The following EPHA4 variants were observed in gnomAD, a reference collection of about 807,000 sequenced individuals.
EPHA4 encodes the protein EPH receptor A4.
EPHA4 carries 19 observed loss-of-function variants against 108.3 expected under a neutral mutation model. That is an observed-to-expected ratio of 0.18 (90% CI 0.12 to 0.26). The LOEUF is 0.26. Among genes scored for constraint, EPHA4 ranks in the 10% least tolerant of loss-of-function variants. EPHA4 has a pLI of 1.00. For synonymous variants in EPHA4, 449 were observed against 455.5 expected, an observed-to-expected ratio of 0.99 and a Z score of 0.18; for missense variants, 917 against 1,254.0, an observed-to-expected ratio of 0.73 and a Z score of 4.06.
Position 221,514,088 on chromosome 2 carries a change from C to CG in EPHA4, c.824-12917dup, listed in dbSNP as rs200867792. On this transcript the variant is annotated intron_variant, in intron 3 of 17. Transcript: ENST00000281821. The stretch of plus-strand genomic sequence containing the variant: ...CGGACTCAGTTATACTCCTGTAAGC[C>CG]GGGGGGAGGGGGTTTGAAAATCTAC... Among the ~76,000 whole-genome samples the CG allele has an allele frequency of 4.5e-3, 533 of 118,186 alleles. 7 individuals carry two copies. The highest frequency in any genetic ancestry group is 0.023 in the African/African-American group (501 of 21,932). 77.5% of individuals were successfully genotyped at this position (118,186 alleles called of 152,430 possible).
At chr2:221,446,329 G>A (rs1019448439) in intron 8 of EPHA4, 148 bp from the exon 9 acceptor site, 6 of 394,698 alleles carry the variant, frequency 1.5e-5, no homozygotes, top group Non-Finnish European at 2.6e-5. Context: ...TACAAGAGAT[G>A]AAATACTTGT....
chr2:221,420,982 T>C (rs1689742985), intron 17 of EPHA4, among the ~76,000 whole-genome samples: 2 of 152,158 alleles, frequency 1.3e-5, no homozygotes, highest in South Asian at 2.1e-4. Flanking sequence ...AATCCACCCA[T>C]AGTCAACAAT....
In EPHA4 at chr2:221,477,615, G is replaced by A. The variant is rs1452951524; in HGVS notation, c.1318+4737C>T. 5.9e-5 allele frequency among the ~76,000 whole-genome samples: 9 copies of A among 152,108 alleles called. No homozygotes were observed. The East Asian group carries it at 1.2e-3, about 20-fold the overall frequency. ...TTCACTATCTTACTGTTTTCCCCCC[G>A]CAACGTAAATCCCTTGGCAAGGCAA... On this transcript the variant is annotated intron_variant, in intron 5 of 17. Coordinates refer to ENST00000281821, the MANE Select transcript of EPHA4 (RefSeq NM_004438.5).
At position 221,419,275 on chromosome 2, in the gene EPHA4, A is replaced by G. The variant is rs1352415952; in HGVS notation, c.*2097T>C. 1 of 152,648 alleles carries G rather than the reference A, an allele frequency of 6.6e-6. No individual in the cohort carries two copies. The highest frequency in any genetic ancestry group is 1.5e-5 in the Non-Finnish European group (1 of 68,048). 9.5% of individuals were successfully genotyped at this position (152,648 alleles called of 1,614,324 possible). A position where few individuals can be genotyped will look rare whatever the true frequency, so the allele number is the denominator to read the frequency against. On this transcript the variant is annotated 3_prime_UTR_variant, in exon 18 of 18. Transcript: ENST00000281821. ...TGTGAGGGCAACAGGAGTTAGCTGC[A>G]TATTAATTACTGTAGAACTTTCCAG...
At chr2:221,549,202 C>T (rs1694090800) in intron 3 of EPHA4, among the ~76,000 whole-genome samples, 1 of 152,186 alleles carries the variant, frequency 6.6e-6, no homozygotes, top group Non-Finnish European at 1.5e-5. Context: ...GTTCAAAATG[C>T]TAAACAGTTC....
chr2:221,507,926 T>A (rs1218520915), intron 3 of EPHA4, among the ~76,000 whole-genome samples: 1 of 152,226 alleles, frequency 6.6e-6, no homozygotes, highest in African/African-American at 2.4e-5. Context: ...GAGTCTAGCA[T>A]GTATCAGAAT....
intron 4 of EPHA4, among the ~76,000 whole-genome samples, chr2:221,492,394 T>C (rs150989130): frequency 7.9e-5 from 12 of 152,264 alleles, no homozygotes; most frequent in South Asian, 2.1e-4. Flanking sequence ...AGTGAGATGA[T>C]ACCTGATCTT....
At position 221,436,613 on chromosome 2, in the gene EPHA4, A is replaced by G. The variant is rs758696335; in HGVS notation, c.2137-5T>C. 14 of 1,613,524 alleles carry G rather than the reference A, an allele frequency of 8.7e-6. No homozygotes were observed. The highest frequency in any genetic ancestry group is 1.2e-5 in the Non-Finnish European group (14 of 1,179,596). On this transcript the variant is annotated splice_region_variant and splice_polypyrimidine_tract_variant and intron_variant, in intron 12 of 17. Transcript: ENST00000281821. The stretch of plus-strand genomic sequence containing the variant: ...TGTAAATCTGCCATCATTTTTCTGC[A>G]TAGAAAAGGAGTGAGGAACAATCTC...
chr2:221,470,435 A>T (rs2106129329), intron 5 of EPHA4, among the ~76,000 whole-genome samples: 2 of 151,910 alleles, frequency 1.3e-5, no homozygotes, highest in South Asian at 4.2e-4. Flanking sequence ...GTTCTACTGG[A>T]TGGAAGTCTA....
At chr2:221,522,004 A>G (rs966202964) in intron 3 of EPHA4, among the ~76,000 whole-genome samples, 1 of 152,098 alleles carries the variant, frequency 6.6e-6, no homozygotes, top group Non-Finnish European at 1.5e-5. Context: ...CAAACAAAAA[A>G]ACAAATAAAC....
At chr2:221,525,323 G>T (rs1423347688) in intron 3 of EPHA4, among the ~76,000 whole-genome samples, 1 of 152,186 alleles carries the variant, frequency 6.6e-6, no homozygotes, top group Non-Finnish European at 1.5e-5. Flanking sequence ...AAGTTAAAAG[G>T]TTAATTTTCT....
At chr2:221,545,442 C>G (rs1161309434) in intron 3 of EPHA4, among the ~76,000 whole-genome samples, 2 of 152,040 alleles carry the variant, frequency 1.3e-5, no homozygotes, top group African/African-American at 4.8e-5. Flanking sequence ...GCACTCCAGC[C>G]TGGGCGACAG....
At chr2:221,534,469 C>T (rs963295456) in intron 3 of EPHA4, among the ~76,000 whole-genome samples, 1 of 152,200 alleles carries the variant, frequency 6.6e-6, no homozygotes, top group African/African-American at 2.4e-5. Context: ...GTCTCACCCC[C>T]TCAGATGAAA....
rs1305796481 is a variant in EPHA4, at chr2:221,419,890, C to A, written c.*1482G>T. On this transcript the variant is annotated 3_prime_UTR_variant, in exon 18 of 18. Transcript: ENST00000281821. ...ACCAGAACTCTCCAGGTGTAGCATT[C>A]CACAACATTCATGGGTAGTCCTAAG... is the stretch of plus-strand genomic sequence containing the variant. The A allele has an allele frequency of 6.6e-6, 1 of 152,628 alleles. No homozygotes were observed. Among genetic ancestry groups the A allele is most frequent in the Non-Finnish European group, 1.5e-5 (1 of 68,080 alleles). The allele number at this position is 152,628 out of a possible 1,614,324, so 9.5% of individuals were successfully genotyped here. A position where few individuals can be genotyped will look rare whatever the true frequency, so the allele number is the denominator to read the frequency against.
At chr2:221,510,837 A>G (rs2106165137) in intron 3 of EPHA4, among the ~76,000 whole-genome samples, 1 of 152,328 alleles carries the variant, frequency 6.6e-6, no homozygotes, top group African/African-American at 2.4e-5. Context: ...GTAAGCTTAA[A>G]CAGTAAAAGT....
intron 4 of EPHA4, among the ~76,000 whole-genome samples, chr2:221,484,850 G>T (rs1315991272): frequency 6.6e-6 from 1 of 152,158 alleles, no homozygotes; most frequent in African/African-American, 2.4e-5. Context: ...TCCACCATGT[G>T]TTCCTCACTA....
intron 12 of EPHA4, among the ~76,000 whole-genome samples, 186 bp from the exon 13 acceptor site, chr2:221,436,794 T>C (rs1394288885): frequency 2.6e-5 from 4 of 152,208 alleles, no homozygotes; most frequent in African/African-American, 9.7e-5. Flanking sequence ...GAGCTGGGTT[T>C]GCTTCCTGTG....
intron 15 of EPHA4, among the ~76,000 whole-genome samples, chr2:221,427,211 C>A (rs191305473): frequency 8.9e-4 from 135 of 152,284 alleles, no homozygotes; most frequent in African/African-American, 3.0e-3. Context: ...CTGACCAGCA[C>A]GAGTGCCAAG....
chr2:221,466,709 T>G (rs1691323544), intron 5 of EPHA4, among the ~76,000 whole-genome samples: 1 of 152,112 alleles, frequency 6.6e-6, no homozygotes, highest in Admixed American at 6.6e-5. Context: ...TCACAAAAAC[T>G]CTATGAGACA....
Sources: allele counts gnomAD v4.1 joint callset (sites outside exome capture counted in the v4.1 genomes callset), GRCh38; gene constraint gnomAD v4.1.1; transcripts MANE v1.5; gene names NCBI Gene and HGNC (gene_info 2026-07-23, HGNC 2026-07-21).